FRS2: variants seen among roughly 807,000 people sequenced by gnomAD.
FRS2 encodes the protein FGFR signalling adaptor.
Under a neutral mutation model 43.9 loss-of-function variants are expected in FRS2, and 8 were observed. That is an observed-to-expected ratio of 0.18 (90% CI 0.11 to 0.33). The LOEUF (loss-of-function observed/expected upper bound fraction) is 0.33, where lower values mean the gene tolerates loss of function less well. Among genes scored for constraint, FRS2 ranks in the 10% least tolerant of loss-of-function variants. FRS2 has a pLI of 1.00. For synonymous variants in FRS2, 219 were observed against 220.3 expected, an observed-to-expected ratio of 0.99 and a Z score of 0.05; for missense variants, 534 against 627.6, an observed-to-expected ratio of 0.85 and a Z score of 1.59.
intron 3 of FRS2, among the ~76,000 whole-genome samples, chr12:69,556,163 A>G (rs1313601398): frequency 3.3e-5 from 5 of 152,196 alleles, no homozygotes; most frequent in Non-Finnish European, 7.3e-5. Flanking sequence ...AGTCTTCCAA[A>G]GTACTGGGAT....
intron 1 of FRS2, among the ~76,000 whole-genome samples, chr12:69,526,685 TGA>T (rs975934103): frequency 3.6e-4 from 55 of 151,926 alleles, no homozygotes; most frequent in African/African-American, 1.3e-3. Context: ...TGTAGATAGA[TGA>T]GAGAGAAAAA....
intron 1 of FRS2, among the ~76,000 whole-genome samples, chr12:69,492,616 A>C (rs1008773346): frequency 6.6e-5 from 10 of 152,212 alleles, no homozygotes; most frequent in African/African-American, 2.4e-4. Context: ...GTTACTGTTG[A>C]AGTCACTTTA....
At chr12:69,529,850 A>G (rs1876617815) in intron 1 of FRS2, among the ~76,000 whole-genome samples, 1 of 152,122 alleles carries the variant, frequency 6.6e-6, no homozygotes, top group South Asian at 2.1e-4. Flanking sequence ...ACCTGAGGTC[A>G]GGAGTTCAAG....
In FRS2 at chr12:69,574,678, C is replaced by T. The variant is rs761048105; in HGVS notation, c.1250C>T (p.Pro417Leu). 25 of 1,613,942 alleles carry T rather than the reference C, an allele frequency of 1.5e-5. No homozygotes were observed. The South Asian group carries it at 2.5e-4, about 16-fold the overall frequency. Reference sequence around the variant, plus strand: ...TATTCAAGGCGTCGGGACTGTACACCAACAGTCTTTAACTTTGATATCAGA... The same window carrying T: ...TATTCAAGGCGTCGGGACTGTACACTAACAGTCTTTAACTTTGATATCAGA... Reference protein sequence around the residue: ...IEYSRRRDCTPTVFNFDIRRP... With the variant: ...IEYSRRRDCTLTVFNFDIRRP... The change falls in exon 9 of 9, where the codon CCA becomes CTA. Residue 417 changes from proline to leucine, a missense_variant. By Grantham distance (98) the Pro-to-Leu change is moderately conservative. Transcript: ENST00000549921.
intron 1 of FRS2, among the ~76,000 whole-genome samples, chr12:69,509,051 A>G (rs1195484574): frequency 6.6e-6 from 1 of 152,224 alleles, no homozygotes; most frequent in Non-Finnish European, 1.5e-5. Flanking sequence ...TTCATTTACA[A>G]TTATTTAACA....
At chr12:69,563,695 AG>A (rs1303966868) in intron 4 of FRS2, among the ~76,000 whole-genome samples, 1 of 152,102 alleles carries the variant, frequency 6.6e-6, no homozygotes, top group Non-Finnish European at 1.5e-5. Context: ...TTTCTTGGGT[AG>A]CTCCTTGGTG....
At chr12:69,542,761 C>G (rs533089632) in intron 3 of FRS2, among the ~76,000 whole-genome samples, 5 of 152,078 alleles carry the variant, frequency 3.3e-5, no homozygotes, top group Non-Finnish European at 5.9e-5. Flanking sequence ...ATATTAAGTA[C>G]CTTTTAATGT....
chr12:69,487,257 T>A (rs1478108843), intron 1 of FRS2, among the ~76,000 whole-genome samples: 1 of 152,204 alleles, frequency 6.6e-6, no homozygotes. Context: ...GTCTAGGACT[T>A]TCATAGCTAG....
At chr12:69,543,550 G>C (rs1878103200) in intron 3 of FRS2, among the ~76,000 whole-genome samples, 1 of 152,188 alleles carries the variant, frequency 6.6e-6, no homozygotes, top group Admixed American at 6.5e-5. Context: ...TTGGTGGTAA[G>C]TCATTTGGAG....
intron 1 of FRS2, among the ~76,000 whole-genome samples, chr12:69,490,267 CAT>C (rs1872350887): frequency 6.6e-6 from 1 of 152,048 alleles, no homozygotes; most frequent in Admixed American, 6.6e-5. Context: ...AAACAAAAAT[CAT>C]ATTAAATAGC....
intron 1 of FRS2, among the ~76,000 whole-genome samples, chr12:69,496,832 G>A (rs1872942364): frequency 6.6e-6 from 1 of 152,110 alleles, no homozygotes; most frequent in African/African-American, 2.4e-5. Flanking sequence ...AATATAATTG[G>A]AACTAAGTGG....
chr12:69,545,774 A>C (rs74816983), intron 3 of FRS2, among the ~76,000 whole-genome samples: 12 of 140,194 alleles, frequency 8.6e-5, no homozygotes, highest in South Asian at 2.2e-4. Flanking sequence ...AAAAAAAAAA[A>C]AAAACAAAAA....
intron 1 of FRS2, among the ~76,000 whole-genome samples, chr12:69,489,621 G>C (rs1872273538): frequency 6.7e-6 from 1 of 148,430 alleles, no homozygotes; most frequent in South Asian, 2.1e-4. Context: ...AGTGAGCTGA[G>C]ACCATGCCAC....
chr12:69,502,472 G>A lies in FRS2; in HGVS notation c.-260-28393G>A, dbSNP rs572327402. On this transcript the variant is annotated intron_variant, in intron 1 of 8. Coordinates refer to ENST00000549921, the MANE Select transcript of FRS2 (RefSeq NM_001278356.2). ...TGGTGTCAAACTCCGAGGCTCGAGC[G>A]GTCTTCCCACCTCAGCCTCCCAAAG... Among the ~76,000 whole-genome samples, 37 of 151,900 alleles carry A rather than the reference G, an allele frequency of 2.4e-4. 1 individual carries two copies. Among genetic ancestry groups the A allele is most frequent in the African/African-American group, 7.2e-4 (30 of 41,444 alleles).
intron 1 of FRS2, among the ~76,000 whole-genome samples, chr12:69,519,142 G>A (rs1875366298): frequency 6.6e-6 from 1 of 152,160 alleles, no homozygotes; most frequent in South Asian, 2.1e-4. Flanking sequence ...CTGGGTGACA[G>A]TCTCTGGGAC....
intron 3 of FRS2, among the ~76,000 whole-genome samples, chr12:69,560,703 T>C (rs1457966610): frequency 6.6e-6 from 1 of 152,150 alleles, no homozygotes; most frequent in African/African-American, 2.4e-5. Flanking sequence ...GGTAAATTAG[T>C]TTGCTATAGA....
At chr12:69,470,704 G>C (rs1870183753) in intron 1 of FRS2, among the ~76,000 whole-genome samples, 174 bp downstream of exon 1, 1 of 151,910 alleles carries the variant, frequency 6.6e-6, no homozygotes, top group Non-Finnish European at 1.5e-5. Context: ...GGAAGAGCTG[G>C]CTGTGGGTCC....
At chr12:69,572,990 C>T (rs1366319671) in intron 8 of FRS2, among the ~76,000 whole-genome samples, 2 of 152,186 alleles carry the variant, frequency 1.3e-5, no homozygotes, top group Non-Finnish European at 2.9e-5. Context: ...GCCACCACAT[C>T]CAGCTAATTG....
chr12:69,493,442 C>T (rs1872629640), intron 1 of FRS2, among the ~76,000 whole-genome samples: 3 of 152,170 alleles, frequency 2.0e-5, no homozygotes, highest in Non-Finnish European at 1.5e-5. Flanking sequence ...ATTTAGCTGC[C>T]GGGCGCGATG....
Sources: allele counts gnomAD v4.1 joint callset (sites outside exome capture counted in the v4.1 genomes callset), GRCh38; gene constraint gnomAD v4.1.1; transcripts MANE v1.5; gene names NCBI Gene and HGNC (gene_info 2026-07-23, HGNC 2026-07-21).